The following CNTRL variants were observed in gnomAD, a reference collection of about 807,000 sequenced individuals.
CNTRL encodes 110 kDa centrosomal protein.
A neutral mutation model predicts 303.7 loss-of-function variants in CNTRL; 233 were observed. That is an observed-to-expected ratio of 0.77 (90% CI 0.69 to 0.86). The LOEUF is 0.86. CNTRL is among the 40% of genes least tolerant of loss of function. The pLI is 0.00. For synonymous variants in CNTRL, 900 were observed against 922.2 expected (o/e 0.98, Z 0.44); for missense variants, 2,524 against 2,650.6 (o/e 0.95, Z 1.05).
intron 15 of CNTRL, among the ~76,000 whole-genome samples, chr9:121,137,797 T>C (rs890472895): frequency 6.6e-6 from 1 of 152,240 alleles, no homozygotes; most frequent in African/African-American, 2.4e-5. Flanking sequence ...CAAGCCAGAC[T>C]GTACTAGCTT....
intron 4 of CNTRL, among the ~76,000 whole-genome samples, 189 bp from the exon 5 acceptor site, chr9:121,094,698 GT>G (rs2048815076): frequency 1.3e-5 from 2 of 152,186 alleles, no homozygotes; most frequent in Non-Finnish European, 2.9e-5. Context: ...GGCAAAGAGA[GT>G]TTGGTAGCTT....
intron 25 of CNTRL, among the ~76,000 whole-genome samples, chr9:121,151,708 G>A (rs1210057213): frequency 1.3e-5 from 2 of 152,052 alleles, no homozygotes; most frequent in Non-Finnish European, 2.9e-5. Flanking sequence ...ATTACTTTCT[G>A]ACTTTTTGGT....
At position 121,107,975 on chromosome 9, in the gene CNTRL, T is replaced by A; in HGVS notation, c.982T>A (p.Leu328Ile). ...KQSCEELKSD[L>I]NTKNELLKQK... ...GAGCTGTGAGGAACTCAAGAGTGAC[T>A]TAAACACAAAAAATGAATTGGTAAG... Residue 328 changes from leucine to isoleucine, a missense_variant, in exon 8 of 44, where the codon TTA becomes ATA. Transcript: ENST00000373855. 1.3e-6 allele frequency: 2 copies of A among 1,578,134 alleles called. No individual in the cohort carries two copies. Among genetic ancestry groups the A allele is most frequent in the Admixed American group, 2.0e-5 (1 of 49,236 alleles).
intron 12 of CNTRL, chr9:121,121,788 G>A (rs1394577334): frequency 6.1e-6 from 6 of 985,328 alleles, no homozygotes; most frequent in Non-Finnish European, 7.2e-6. Context: ...CCAAGAATGT[G>A]GTTTGAGGCT....
chr9:121,118,102 A>G (rs2050064645), intron 11 of CNTRL, among the ~76,000 whole-genome samples: 1 of 152,112 alleles, frequency 6.6e-6, no homozygotes, highest in Admixed American at 6.5e-5. Context: ...CTATACTATT[A>G]TAGAATGACA....
intron 32 of CNTRL, 29 bp downstream of exon 32, chr9:121,160,331 AG>A (rs768629768): frequency 2.1e-6 from 3 of 1,415,744 alleles, no homozygotes; most frequent in Non-Finnish European, 2.8e-6. Context: ...AATCATACAA[AG>A]TTTGAGGTTG....
chr9:121,142,601 A>G (rs1006981442), intron 19 of CNTRL, among the ~76,000 whole-genome samples: 10 of 151,884 alleles, frequency 6.6e-5, no homozygotes, highest in Admixed American at 3.3e-4. Flanking sequence ...TTACTTTTAA[A>G]CTCCTCATCA....
chr9:121,129,615 A>G (rs535713788), intron 14 of CNTRL, among the ~76,000 whole-genome samples: 46 of 152,312 alleles, frequency 3.0e-4, no homozygotes, highest in African/African-American at 1.0e-3. Flanking sequence ...TCCTAATTGA[A>G]TACCCTTTAT....
At chr9:121,133,252 G>A (rs2050977339) in intron 14 of CNTRL, among the ~76,000 whole-genome samples, 1 of 152,252 alleles carries the variant, frequency 6.6e-6, no homozygotes, top group Admixed American at 6.5e-5. Flanking sequence ...TAAAGGTGGA[G>A]TCTACATGTA....
Position 121,146,243 on chromosome 9 carries a change from C to A in CNTRL, c.3446C>A (p.Pro1149Gln). The change falls in exon 23 of 44, where the codon CCA (proline) becomes CAA (glutamine). Residue 1149 changes from proline (P) to glutamine (Q), a missense_variant. By Grantham distance (76) the Pro-to-Gln change is moderately conservative. Transcript: ENST00000373855. The part of the protein sequence containing the change: ...RRGYWYFMPP[P>Q]PSSKVSSHSS... ...GGCTATTGGTACTTTATGCCACCAC[C>A]ACCATCATCAAAAGTAGGAATTCTG... 1 of 1,608,516 alleles carries A rather than the reference C, an allele frequency of 6.2e-7. No individual in the cohort carries two copies.
chr9:121,084,355 G>C (rs1394840193), intron 2 of CNTRL, among the ~76,000 whole-genome samples: 1 of 152,126 alleles, frequency 6.6e-6, no homozygotes, highest in Non-Finnish European at 1.5e-5. Flanking sequence ...GACTAGTATT[G>C]CTCATGCAGA....
intron 1 of CNTRL, among the ~76,000 whole-genome samples, chr9:121,077,482 T>G (rs1356953901): frequency 6.6e-6 from 1 of 152,192 alleles, no homozygotes; most frequent in Non-Finnish European, 1.5e-5. Flanking sequence ...TTAGCTATTC[T>G]CTGAGACTGA....
chr9:121,172,105 G>A (rs1397474484), intron 40 of CNTRL, among the ~76,000 whole-genome samples: 1 of 152,080 alleles, frequency 6.6e-6, no homozygotes, highest in East Asian at 1.9e-4. Flanking sequence ...GTGACCCCAC[G>A]TGGCCATTCT....
chr9:121,140,929 T>A, intron 17 of CNTRL, 143 bp downstream of exon 17: 2 of 711,608 alleles, frequency 2.8e-6, no homozygotes, highest in Non-Finnish European at 2.1e-6. Context: ...GAAGTTTTCA[T>A]GACTGAGACA....
chr9:121,162,168 G>C lies in CNTRL; in HGVS notation c.5320G>C (p.Glu1774Gln), dbSNP rs2052882770. Reference protein sequence around the residue: ...DKREIERMTAESRALQSCVEC... With the variant: ...DKREIERMTAQSRALQSCVEC... ...ACGAGAAATAGAACGAATGACTGCT[G>C]AGTCCCGAGCTTTACAATCGTGTGT... Residue 1774 changes from glutamate (E) to glutamine (Q), a missense_variant, in exon 34 of 44, where the codon GAG (glutamate) becomes CAG (glutamine). Glu to Gln is a conservative substitution (Grantham distance 29). Transcript: ENST00000373855. 1.2e-6 allele frequency: 2 copies of C among 1,614,030 alleles called. No homozygotes were observed. Among genetic ancestry groups the C allele is most frequent in the East Asian group, 4.5e-5 (2 of 44,886 alleles).
At chr9:121,127,508 C>T (rs1172740740) in intron 14 of CNTRL, among the ~76,000 whole-genome samples, 1 of 151,840 alleles carries the variant, frequency 6.6e-6, no homozygotes. Flanking sequence ...TTTTTTAAAG[C>T]TTATATTTTG....
In CNTRL at chr9:121,140,946, T is replaced by G. The variant is rs1053821841; in HGVS notation, c.2483+160T>G. Among the ~76,000 whole-genome samples the G allele has an allele frequency of 5.8e-4, 89 of 152,334 alleles. 1 individual carries two copies. Among genetic ancestry groups the G allele is most frequent in the African/African-American group, 2.0e-3 (84 of 41,578 alleles). Reference sequence around the variant, plus strand: ...AGTTTTCATGACTGAGACAAAAGATTGTTTAATTTATTTGTCTGCCACTGA... The same window carrying G: ...AGTTTTCATGACTGAGACAAAAGATGGTTTAATTTATTTGTCTGCCACTGA... On this transcript the variant is annotated intron_variant, in intron 17 of 43. Transcript: ENST00000373855.
At chr9:121,161,673 A>C (rs767173856) in intron 32 of CNTRL, among the ~76,000 whole-genome samples, 183 bp from the exon 33 acceptor site, 1 of 152,224 alleles carries the variant, frequency 6.6e-6, no homozygotes, top group Non-Finnish European at 1.5e-5. Flanking sequence ...AACAAATTAA[A>C]TAGTATTTAG....
Position 121,142,272 on chromosome 9 carries a change from T to C in CNTRL, c.2871+2T>C, listed in dbSNP as rs1224639549. ...CAACTCCGAGAGTTAGAGAAAAAGG[T>C]AGGGGAGACTTAGAAAATGAGACAC... On this transcript the variant is annotated splice_donor_variant, in intron 19 of 43. Coordinates refer to ENST00000373855, the MANE Select transcript of CNTRL (RefSeq NM_007018.6). LOFTEE classifies it high-confidence loss of function. The C allele has an allele frequency of 6.3e-7, 1 of 1,591,168 alleles. No individual in the cohort carries two copies. Among genetic ancestry groups the C allele is most frequent in the East Asian group, 2.2e-5 (1 of 44,668 alleles).
Sources: allele counts gnomAD v4.1 joint callset (sites outside exome capture counted in the v4.1 genomes callset), GRCh38; gene constraint gnomAD v4.1.1; transcripts MANE v1.5; gene names NCBI Gene and HGNC (gene_info 2026-07-23, HGNC 2026-07-21).